CNGB3: variants seen among roughly 807,000 people sequenced by gnomAD.
The protein encoded by CNGB3 is cyclic nucleotide gated channel subunit beta 3, also known as cyclic nucleotide-gated channel beta-3.
In CNGB3, 86 loss-of-function variants were observed where a neutral mutation model predicts 92.8. That is an observed-to-expected ratio of 0.93 (90% CI 0.78 to 1.11). CNGB3 has a LOEUF of 1.11. Ranked by LOEUF, CNGB3 falls within the 50% of genes least tolerant of loss-of-function variation. The pLI is 0.00. For missense variants in CNGB3, 1,026 were observed against 956.8 expected (o/e 1.07, Z -0.95); for synonymous variants, 333 against 332.7 (o/e 1.00, Z -0.01).
intron 10 of CNGB3, among the ~76,000 whole-genome samples, chr8:86,641,360 C>T (rs990943646): frequency 6.6e-6 from 1 of 152,006 alleles, no homozygotes; most frequent in Admixed American, 6.6e-5. Flanking sequence ...TATGCAGTAG[C>T]TATTTTTTTA....
chr8:86,691,186 G>C (rs1777629870), intron 3 of CNGB3, among the ~76,000 whole-genome samples: 1 of 152,098 alleles, frequency 6.6e-6, no homozygotes, highest in Non-Finnish European at 1.5e-5. Flanking sequence ...GTTGGTGTTG[G>C]TGTATAGCAG....
chr8:86,684,125 A>G (rs9297948), intron 3 of CNGB3, among the ~76,000 whole-genome samples: 61,552 of 151,934 alleles, frequency 0.41, 12,742 homozygotes, highest in African/African-American at 0.49. Context: ...TCTAGGATAT[A>G]AAGAATTCTC....
Position 86,691,940 on chromosome 8 carries a change from G to T in CNGB3, c.339-20842C>A, listed in dbSNP as rs183278120. ...TGGGTTATGTCACTATTATTGTTCA[G>T]TTCAAATAATTTTTTAATGTTCATC... On this transcript the variant is annotated intron_variant, in intron 3 of 17. Transcript: ENST00000320005. Among the ~76,000 whole-genome samples, 59 of 152,164 alleles carry T rather than the reference G, an allele frequency of 3.9e-4. 1 individual carries two copies. The East Asian group carries it at 0.011, about 28-fold the overall frequency.
chr8:86,726,737 G>A, intron 2 of CNGB3, 80 bp from the exon 3 acceptor site: 1 of 1,513,138 alleles, frequency 6.6e-7, no homozygotes, highest in Non-Finnish European at 9.2e-7. Context: ...GAGCTACAAA[G>A]ATGCTGCTTG....
intron 3 of CNGB3, among the ~76,000 whole-genome samples, chr8:86,677,893 C>T (rs956835360): frequency 1.3e-5 from 2 of 152,152 alleles, no homozygotes; most frequent in Non-Finnish European, 2.9e-5. Flanking sequence ...TGTGTTTGTT[C>T]TCTAAATAGT....
intron 15 of CNGB3, among the ~76,000 whole-genome samples, chr8:86,601,706 A>G (rs1184376880): frequency 6.6e-6 from 1 of 152,172 alleles, no homozygotes; most frequent in Non-Finnish European, 1.5e-5. Context: ...TCAGCGGCAT[A>G]TGACAGCTGT....
At chr8:86,611,798 A>T in intron 13 of CNGB3, 127 bp from the exon 14 acceptor site, 2 of 732,866 alleles carry the variant, frequency 2.7e-6, no homozygotes, top group Non-Finnish European at 4.7e-6. Flanking sequence ...TTAACTGCCA[A>T]TGGCTATGGA....
chr8:86,582,741 A>G (rs1313380114), intron 15 of CNGB3, among the ~76,000 whole-genome samples: 6 of 152,208 alleles, frequency 3.9e-5, no homozygotes, highest in African/African-American at 1.4e-4. Context: ...TGACCCTTCA[A>G]AAGTAAAGAA....
chr8:86,602,023 C>T (rs1044963750), intron 15 of CNGB3, among the ~76,000 whole-genome samples: 2 of 152,176 alleles, frequency 1.3e-5, no homozygotes, highest in Non-Finnish European at 2.9e-5. Context: ...AATTAACATA[C>T]TTGTATTTAT....
chr8:86,676,930 T>A (rs1048323577), intron 3 of CNGB3, among the ~76,000 whole-genome samples: 31 of 152,214 alleles, frequency 2.0e-4, no homozygotes, highest in Non-Finnish European at 7.3e-5. Context: ...AGTTAATTTA[T>A]GTCTGCCGAG....
At chr8:86,623,011 A>G (rs376615581) in intron 13 of CNGB3, among the ~76,000 whole-genome samples, 18 of 152,300 alleles carry the variant, frequency 1.2e-4, no homozygotes, top group African/African-American at 3.6e-4. Flanking sequence ...GGGAGTGACT[A>G]TGCCTAACCA....
chr8:86,724,987 G>T (rs1227168610), intron 3 of CNGB3, among the ~76,000 whole-genome samples: 1 of 151,994 alleles, frequency 6.6e-6, no homozygotes, highest in East Asian at 1.9e-4. Context: ...TTTTGTTTTT[G>T]AGCTATGCTG....
chr8:86,707,523 A>G, intron 3 of CNGB3: 1 of 152,818 alleles, frequency 6.5e-6, no homozygotes, highest in Non-Finnish European at 1.5e-5. Context: ...GAGTGAGAGA[A>G]TGACAGTGGC....
At chr8:86,603,381 T>TAATGAAAA (rs1822346968) in intron 15 of CNGB3, among the ~76,000 whole-genome samples, 1 of 152,196 alleles carries the variant, frequency 6.6e-6, no homozygotes. Context: ...ATAAATGTGA[T>TAATGAAAA]AATGCATATA....
chr8:86,731,836 A>G (rs2131676492), intron 2 of CNGB3, among the ~76,000 whole-genome samples: 2 of 152,340 alleles, frequency 1.3e-5, no homozygotes, highest in East Asian at 3.9e-4. Context: ...CCAGACTGGA[A>G]TAAATTGCTT....
intron 11 of CNGB3, 147 bp downstream of exon 11, chr8:86,632,605 C>A (rs1822983578): frequency 9.0e-6 from 7 of 781,808 alleles, no homozygotes; most frequent in Non-Finnish European, 1.4e-5. Context: ...TAATCACATC[C>A]TCCTTCAACT....
At chr8:86,618,593 C>T (rs1231446301) in intron 13 of CNGB3, among the ~76,000 whole-genome samples, 1 of 152,154 alleles carries the variant, frequency 6.6e-6, no homozygotes, top group Non-Finnish European at 1.5e-5. Flanking sequence ...ATGTCTGGCT[C>T]AGTGCTTTAG....
At chr8:86,579,325 C>G (rs1563712760) in intron 15 of CNGB3, 73 bp from the exon 16 acceptor site, 3 of 1,530,742 alleles carry the variant, frequency 2.0e-6, no homozygotes, top group South Asian at 2.2e-5. Flanking sequence ...AAAAAAATAG[C>G]AACTATTATA....
chr8:86,677,779 A>T (rs994644922), intron 3 of CNGB3, among the ~76,000 whole-genome samples: 2 of 152,182 alleles, frequency 1.3e-5, no homozygotes, highest in African/African-American at 4.8e-5. Context: ...TTCACTGGTC[A>T]TCTTTAAGAA....
Sources: allele counts gnomAD v4.1 joint callset (sites outside exome capture counted in the v4.1 genomes callset), GRCh38; gene constraint gnomAD v4.1.1; transcripts MANE v1.5; gene names NCBI Gene and HGNC (gene_info 2026-07-23, HGNC 2026-07-21).